The following TSHZ2 variants were observed in gnomAD, a reference collection of about 807,000 sequenced individuals.
TSHZ2 encodes teashirt zinc finger homeobox 2.
A neutral mutation model predicts 74.4 loss-of-function variants in TSHZ2; 21 were observed. That is an observed-to-expected ratio of 0.28 (90% CI 0.20 to 0.41). TSHZ2 has a LOEUF of 0.41. Ranked by LOEUF, TSHZ2 falls within the 10% of genes least tolerant of loss-of-function variation. The probability of loss-of-function intolerance (pLI) is 1.00; values close to 1 mark genes in which losing one functional copy is unlikely to be tolerated. For missense variants in TSHZ2, 1,244 were observed against 1,293.5 expected (o/e 0.96, Z 0.59); for synonymous variants, 540 against 515.3 (o/e 1.05, Z -0.65).
intron 1 of TSHZ2, among the ~76,000 whole-genome samples, chr20:53,146,613 G>A (rs1311339799): frequency 6.6e-6 from 1 of 152,196 alleles, no homozygotes; most frequent in Admixed American, 6.5e-5. Context: ...ATTTGAGGAT[G>A]TGTAATAAAT....
At chr20:53,454,775 C>T (rs962668731) in intron 2 of TSHZ2, among the ~76,000 whole-genome samples, 2 of 152,046 alleles carry the variant, frequency 1.3e-5, no homozygotes, top group African/African-American at 4.8e-5. Flanking sequence ...AATTGACTCT[C>T]CCAGTCAATT....
At chr20:53,284,370 G>A (rs958037578) in intron 2 of TSHZ2, among the ~76,000 whole-genome samples, 1 of 152,182 alleles carries the variant, frequency 6.6e-6, no homozygotes, top group Non-Finnish European at 1.5e-5. Context: ...AAATATGCTG[G>A]CATAGCACAG....
At chr20:53,299,602 A>G (rs1042905665) in intron 2 of TSHZ2, among the ~76,000 whole-genome samples, 1 of 152,146 alleles carries the variant, frequency 6.6e-6, no homozygotes, top group African/African-American at 2.4e-5. Context: ...TATTCTCCCA[A>G]TTGCTAAATA....
chr20:53,376,523 A>G (rs1026916051), intron 2 of TSHZ2, among the ~76,000 whole-genome samples: 7 of 152,224 alleles, frequency 4.6e-5, no homozygotes, highest in African/African-American at 1.7e-4. Context: ...ATAATTTATT[A>G]GTATCTCTCA....
At chr20:53,474,142 A>G (rs1985917926) in intron 2 of TSHZ2, among the ~76,000 whole-genome samples, 1 of 149,772 alleles carries the variant, frequency 6.7e-6, no homozygotes, top group African/African-American at 2.5e-5. Flanking sequence ...GTTCAGATTC[A>G]GGAAATGCAG....
At chr20:53,388,887 C>G (rs994919520) in intron 2 of TSHZ2, among the ~76,000 whole-genome samples, 1 of 152,140 alleles carries the variant, frequency 6.6e-6, no homozygotes, top group African/African-American at 2.4e-5. Flanking sequence ...CCGGCTGCCT[C>G]TGCAAGTTTC....
At chr20:53,403,104 A>G (rs1281233801) in intron 2 of TSHZ2, among the ~76,000 whole-genome samples, 1 of 152,128 alleles carries the variant, frequency 6.6e-6, no homozygotes, top group African/African-American at 2.4e-5. Context: ...TTCCCATGTT[A>G]CCACCGTACA....
chr20:53,447,714 T>TC (rs1412206809), intron 2 of TSHZ2, among the ~76,000 whole-genome samples: 1 of 152,208 alleles, frequency 6.6e-6, no homozygotes, highest in Non-Finnish European at 1.5e-5. Context: ...TTGTGAAATG[T>TC]CTCCCACTTT....
chr20:53,307,048 G>A (rs1182970960), intron 2 of TSHZ2, among the ~76,000 whole-genome samples: 1 of 152,194 alleles, frequency 6.6e-6, no homozygotes, highest in East Asian at 1.9e-4. Context: ...CAGGACACAG[G>A]ACTTTAAGTG....
chr20:53,194,847 G>A (rs1296358), intron 1 of TSHZ2, among the ~76,000 whole-genome samples: 76,676 of 152,100 alleles, frequency 0.5, 20,129 homozygotes, highest in African/African-American at 0.65. Flanking sequence ...GATGTGAAGT[G>A]CTGAGTTTCA....
At chr20:53,075,938 C>T (rs1985351536) in intron 1 of TSHZ2, among the ~76,000 whole-genome samples, 1 of 152,150 alleles carries the variant, frequency 6.6e-6, no homozygotes, top group African/African-American at 2.4e-5. Context: ...GACTGAAACA[C>T]TGATTCCTTG....
At chr20:53,460,838 G>T (rs539543221) in intron 2 of TSHZ2, among the ~76,000 whole-genome samples, 2 of 152,304 alleles carry the variant, frequency 1.3e-5, no homozygotes, top group East Asian at 3.9e-4. Flanking sequence ...CTGCTGGGGG[G>T]TGCCTCCCAG....
intron 1 of TSHZ2, among the ~76,000 whole-genome samples, chr20:52,975,677 G>A (rs759923594): frequency 1.3e-5 from 2 of 152,042 alleles, no homozygotes; most frequent in South Asian, 2.1e-4. Context: ...GATTCATTTC[G>A]TACACAGTGA....
chr20:53,325,939 G>A lies in TSHZ2; in HGVS notation c.*8+69368G>A, dbSNP rs560884206. ...TGGGATTACAGGCATCTGCCACCAC[G>A]CCCAGCTAATTTTTTGTATTTTTAG... On this transcript the variant is annotated intron_variant, in intron 2 of 2. Coordinates refer to ENST00000371497, the MANE Select transcript of TSHZ2 (RefSeq NM_173485.6). 4.6e-5 allele frequency among the ~76,000 whole-genome samples: 7 copies of A among 152,106 alleles called. No homozygotes were observed. In the South Asian group the frequency reaches 8.3e-4, roughly 18 times the overall value.
intron 2 of TSHZ2, among the ~76,000 whole-genome samples, chr20:53,262,012 A>C (rs1990611165): frequency 6.6e-6 from 1 of 152,164 alleles, no homozygotes; most frequent in Non-Finnish European, 1.5e-5. Context: ...GCTCTCTGTG[A>C]GGATCTTGAA....
chr20:53,141,381 T>C (rs1987398139), intron 1 of TSHZ2, among the ~76,000 whole-genome samples: 1 of 152,212 alleles, frequency 6.6e-6, no homozygotes, highest in African/African-American at 2.4e-5. Flanking sequence ...CTTGAGAGGC[T>C]CCGCATCCTG....
intron 2 of TSHZ2, among the ~76,000 whole-genome samples, chr20:53,364,572 A>G (rs1369573691): frequency 6.6e-6 from 1 of 152,236 alleles, no homozygotes; most frequent in Admixed American, 6.5e-5. Context: ...CTGGATGCAA[A>G]CTGAATGTTG....
chr20:53,225,621 G>A (rs769549529), intron 1 of TSHZ2, among the ~76,000 whole-genome samples: 6 of 152,148 alleles, frequency 3.9e-5, no homozygotes, highest in South Asian at 2.1e-4. Flanking sequence ...TCGCAACTCC[G>A]CTATGGCAAC....
At chr20:53,210,074 C>T (rs1439547071) in intron 1 of TSHZ2, among the ~76,000 whole-genome samples, 2 of 152,244 alleles carry the variant, frequency 1.3e-5, no homozygotes, top group African/African-American at 2.4e-5. Flanking sequence ...CCCAGATCCC[C>T]GTCGCAGGAC....
Sources: gnomAD v4.1 joint callset for allele counts (sites outside exome capture counted in the v4.1 genomes callset) on GRCh38, gnomAD v4.1.1 for gene constraint, MANE v1.5 for transcripts, NCBI Gene and HGNC (gene_info 2026-07-23, HGNC 2026-07-21) for gene names.